DNAAF10: variants seen among roughly 807,000 people sequenced by gnomAD.
DNAAF10 encodes dynein axonemal assembly factor 10, also known as WD repeat domain 92.
In DNAAF10, 28 loss-of-function variants were observed where a neutral mutation model predicts 43.7. That is an observed-to-expected ratio of 0.64 (90% CI 0.48 to 0.88). The LOEUF (loss-of-function observed/expected upper bound fraction) is 0.88, where lower values mean the gene tolerates loss of function less well. DNAAF10 is among the 40% of genes least tolerant of loss of function. The pLI, the probability that DNAAF10 is intolerant of heterozygous loss-of-function variation, is 0.00. For missense variants in DNAAF10, 403 were observed against 439.1 expected, an observed-to-expected ratio of 0.92 and a Z score of 0.73; for synonymous variants, 156 against 157.3, an observed-to-expected ratio of 0.99 and a Z score of 0.06.
intron 4 of DNAAF10, among the ~76,000 whole-genome samples, 191 bp from the exon 5 acceptor site, chr2:68,139,048 TTTTG>T (rs1454685134): frequency 6.6e-6 from 1 of 152,206 alleles, no homozygotes; most frequent in Non-Finnish European, 1.5e-5. Flanking sequence ...TAGTTTTTTG[TTTTG>T]TTTAAATTTC....
At chr2:68,157,073 A>T in intron 1 of DNAAF10, 188 bp downstream of exon 1, 1 of 826,934 alleles carries the variant, frequency 1.2e-6, no homozygotes, top group Non-Finnish European at 1.8e-6. Context: ...CGGAGGAACT[A>T]CCCCGCGGAT....
At chr2:68,151,660 A>C (rs1673461544) in intron 1 of DNAAF10, among the ~76,000 whole-genome samples, 1 of 152,214 alleles carries the variant, frequency 6.6e-6, no homozygotes, top group Non-Finnish European at 1.5e-5. Context: ...CACTAGGGAC[A>C]GACAAACCAG....
Position 68,153,597 on chromosome 2 carries a change from C to A in DNAAF10, c.183+3664G>T, listed in dbSNP as rs147090155. ...AGAATTTCTAGGGGTGGGACCAAGG[C>A]ACAAATGTTTTAAAACACACACACA... is the stretch of plus-strand genomic sequence containing the variant. On this transcript the variant is annotated intron_variant, in intron 1 of 7. Coordinates refer to ENST00000295121, the MANE Select transcript of DNAAF10 (RefSeq NM_138458.4). Among the ~76,000 whole-genome samples the A allele has an allele frequency of 6.6e-5, 10 of 152,038 alleles. No individual in the cohort carries two copies. In the East Asian group the frequency reaches 1.9e-3, roughly 29 times the overall value.
intron 6 of DNAAF10, among the ~76,000 whole-genome samples, chr2:68,135,177 G>A (rs1353996354): frequency 6.6e-6 from 1 of 152,020 alleles, no homozygotes; most frequent in Non-Finnish European, 1.5e-5. Flanking sequence ...TTATATATAC[G>A]AAAAATGTGG....
intron 2 of DNAAF10, among the ~76,000 whole-genome samples, chr2:68,147,022 T>C (rs720110): frequency 0.013 from 1,964 of 152,304 alleles, 34 homozygotes; most frequent in African/African-American, 0.045. Context: ...TCAACAGATA[T>C]GTTTCTAAAA....
chr2:68,130,071 T>C lies in DNAAF10; in HGVS notation c.*1167A>G, dbSNP rs935922858. 5.5e-5 allele frequency: 8 copies of C among 145,166 alleles called. No homozygotes were observed. Among genetic ancestry groups the C allele is most frequent in the Non-Finnish European group, 9.0e-5 (6 of 66,848 alleles). The allele number at this position is 145,166 out of a possible 1,614,324, so 9.0% of individuals were successfully genotyped here. On this transcript the variant is annotated 3_prime_UTR_variant, in exon 8 of 8. Coordinates refer to ENST00000295121, the MANE Select transcript of DNAAF10 (RefSeq NM_138458.4). ...GTTTTATGAATTAAATTGCAGAAAA[T>C]AGCTACCCAAATCTAGACCAACCGT... is the stretch of plus-strand genomic sequence containing the variant.
intron 2 of DNAAF10, among the ~76,000 whole-genome samples, chr2:68,145,930 T>C (rs1049605107): frequency 6.6e-6 from 1 of 152,194 alleles, no homozygotes; most frequent in Non-Finnish European, 1.5e-5. Context: ...AATTCCAATT[T>C]ATTATTGGGC....
chr2:68,149,868 C>T (rs1249996998), intron 1 of DNAAF10, among the ~76,000 whole-genome samples: 1 of 152,212 alleles, frequency 6.6e-6, no homozygotes, highest in African/African-American at 2.4e-5. Context: ...TGGAAGCAGA[C>T]CCTCTGAGGT....
chr2:68,138,953 T>A, intron 4 of DNAAF10, 96 bp from the exon 5 acceptor site: 2 of 849,242 alleles, frequency 2.4e-6, no homozygotes, highest in Non-Finnish European at 3.9e-6. Flanking sequence ...AAACTTATAT[T>A]AAATCAGATC....
intron 4 of DNAAF10, among the ~76,000 whole-genome samples, chr2:68,141,134 A>G (rs892166747): frequency 7.2e-5 from 11 of 152,348 alleles, no homozygotes; most frequent in Non-Finnish European, 1.5e-4. Context: ...TCCAAAGTCA[A>G]TATTCATTTT....
rs1673038098 is a variant in DNAAF10, at chr2:68,136,195, G to GT, written c.768+1103dup. Among the ~76,000 whole-genome samples, 4 of 139,762 alleles carry GT rather than the reference G, an allele frequency of 2.9e-5. No individual in the cohort carries two copies. The Admixed American group carries it at 2.9e-4, about 10-fold the overall frequency. 91.7% of individuals were successfully genotyped at this position (139,762 alleles called of 152,430 possible). Reference sequence around the variant, plus strand: ...ATCATGCCACTGCACACCAGCCTGGGTAAGAGGGCAAGATTCTGTCTCCAG... The same window carrying GT: ...ATCATGCCACTGCACACCAGCCTGGGTTAAGAGGGCAAGATTCTGTCTCCAG... On this transcript the variant is annotated intron_variant, in intron 6 of 7. Coordinates refer to ENST00000295121, the MANE Select transcript of DNAAF10 (RefSeq NM_138458.4).
At chr2:68,140,040 G>A (rs1397097630) in intron 4 of DNAAF10, among the ~76,000 whole-genome samples, 2 of 152,176 alleles carry the variant, frequency 1.3e-5, no homozygotes, top group East Asian at 3.8e-4. Flanking sequence ...GTAGCACACT[G>A]TGACATATTT....
At chr2:68,131,472 G>A (rs1672930556) in intron 7 of DNAAF10, 27 bp from the exon 8 acceptor site, 4 of 1,606,282 alleles carry the variant, frequency 2.5e-6, no homozygotes, top group Admixed American at 3.3e-5. Context: ...AATGGTAAGA[G>A]CGCATAAATC....
Position 68,154,167 on chromosome 2 carries a change from C to T in DNAAF10, c.183+3094G>A, listed in dbSNP as rs771852538. ...TCTTCGGTCCTTGTTAAACACAGTA[C>T]CTTGAAATAGTGTGTTCTCAGACAA... On this transcript the variant is annotated intron_variant, in intron 1 of 7. Coordinates refer to ENST00000295121, the MANE Select transcript of DNAAF10 (RefSeq NM_138458.4). 1.1e-4 allele frequency among the ~76,000 whole-genome samples: 17 copies of T among 152,106 alleles called. No individual in the cohort carries two copies. The South Asian group carries it at 1.7e-3, about 15-fold the overall frequency.
chr2:68,134,227 C>G (rs879755944), intron 7 of DNAAF10: 14 of 990,960 alleles, frequency 1.4e-5, no homozygotes, highest in Non-Finnish European at 1.7e-5. Flanking sequence ...AAGTGGTGTG[C>G]ATAGTAAAAG....
chr2:68,153,757 T>G (rs1673515348), intron 1 of DNAAF10, among the ~76,000 whole-genome samples: 1 of 146,348 alleles, frequency 6.8e-6, no homozygotes, highest in Non-Finnish European at 1.5e-5. Flanking sequence ...TTTTTTTTTT[T>G]TTTTTTTTTT....
At chr2:68,156,069 T>C (rs1673596837) in intron 1 of DNAAF10, among the ~76,000 whole-genome samples, 1 of 120,850 alleles carries the variant, frequency 8.3e-6, no homozygotes, top group Non-Finnish European at 1.6e-5. Flanking sequence ...ACCACAGCAC[T>C]CCGGGCTGGG....
At chr2:68,147,716 T>C in intron 1 of DNAAF10, 149 bp from the exon 2 acceptor site, 1 of 559,258 alleles carries the variant, frequency 1.8e-6, no homozygotes, top group Admixed American at 3.8e-5. Context: ...TAATCTTGCT[T>C]TTTCCTTTAC....
In DNAAF10 at chr2:68,144,673, G is replaced by A. The variant is rs1673272256; in HGVS notation, c.327C>T (p.Gly109=). 1 of 1,613,638 alleles carries A rather than the reference G, an allele frequency of 6.2e-7. No homozygotes were observed. Residue 109 remains glycine, a synonymous_variant, in exon 3 of 8, where the codon GGC becomes GGT. Coordinates refer to ENST00000295121, the MANE Select transcript of DNAAF10 (RefSeq NM_138458.4). Reference sequence around the variant, plus strand: ...CTATGGCATTTATAATTTCTTTATGGCCCTTTACAGAATATACTGGCATCT... The same window carrying A: ...CTATGGCATTTATAATTTCTTTATGACCCTTTACAGAATATACTGGCATCT... ...APEMPVYSVK[G]HKEIINAIDG... is the part of the protein sequence containing the mutation.
Sources: gnomAD v4.1 joint callset for allele counts (sites outside exome capture counted in the v4.1 genomes callset) on GRCh38, gnomAD v4.1.1 for gene constraint, MANE v1.5 for transcripts, NCBI Gene and HGNC (gene_info 2026-07-23, HGNC 2026-07-21) for gene names.